LRP2: variants seen among roughly 807,000 people sequenced by gnomAD.
LRP2 encodes the protein low-density lipoprotein receptor-related protein 2.
A neutral mutation model predicts 531.0 loss-of-function variants in LRP2; 172 were observed. The observed-to-expected ratio is 0.32, with a 90% CI of 0.29 to 0.37. The LOEUF (loss-of-function observed/expected upper bound fraction) is 0.37, where lower values mean the gene tolerates loss of function less well. Ranked by LOEUF, LRP2 falls within the 10% of genes least tolerant of loss-of-function variation. The pLI is 1.00. For missense variants in LRP2, 5,167 were observed against 5,868.3 expected, an observed-to-expected ratio of 0.88 and a Z score of 3.90; for synonymous variants, 1,992 against 2,027.6, an observed-to-expected ratio of 0.98 and a Z score of 0.47.
At chr2:169,191,655 C>A (rs1473419644) in intron 48 of LRP2, among the ~76,000 whole-genome samples, 177 bp downstream of exon 48, 2 of 151,978 alleles carry the variant, frequency 1.3e-5, no homozygotes, top group Admixed American at 6.6e-5. Flanking sequence ...AAAATACTTT[C>A]TTTGATGTAA....
rs574415621 is a variant in LRP2, at chr2:169,137,482, A to T, written c.13530T>A (p.Phe4510Leu). 1.2e-6 allele frequency: 2 copies of T among 1,607,402 alleles called. No homozygotes were observed. Among genetic ancestry groups the T allele is most frequent in the South Asian group, 2.2e-5 (2 of 90,930 alleles). Reference protein sequence around the residue: ...IDRSMAMSEDFVMEMGKQPII... With the variant: ...IDRSMAMSEDLVMEMGKQPII... ...TGGGCTGCTTCCCCATTTCCATGAC[A>T]AAGTCTTCACTCTGATGGCAGAGAC... Residue 4510 changes from phenylalanine to leucine, a missense_variant, in exon 76 of 79, where the codon TTT becomes TTA. This residue lies in a region of LRP2 where 348 missense variants were observed against 369.3 expected (regional missense o/e 0.94). Transcript: ENST00000649046.
At chr2:169,216,107 G>T (rs1688778700) in intron 35 of LRP2, 146 bp downstream of exon 35, 2 of 824,504 alleles carry the variant, frequency 2.4e-6, no homozygotes, top group Non-Finnish European at 2.0e-6. Context: ...GCAAGGGAGA[G>T]AAGTTATTGG....
chr2:169,188,218 C>G lies in LRP2; in HGVS notation c.9080G>C (p.Cys3027Ser). The G allele has an allele frequency of 1.2e-6, 2 of 1,614,166 alleles. No homozygotes were observed. The highest frequency in any genetic ancestry group is 1.7e-6 in the Non-Finnish European group (2 of 1,180,026). The change falls in exon 49 of 79, where the codon TGC becomes TCC. Residue 3027 changes from cysteine to serine, a missense_variant. Transcript: ENST00000649046. ...DCGDYSDERG[C>S]LYQTCQQNQF... is the part of the protein sequence containing the mutation. ...ATTCTGTTGGCAAGTCTGGTATAAG[C>G]AGCCCCTCTCGTCGCTATAGTCACC...
chr2:169,269,140 G>C (rs1441068314), intron 16 of LRP2, among the ~76,000 whole-genome samples: 1 of 152,198 alleles, frequency 6.6e-6, no homozygotes, highest in Non-Finnish European at 1.5e-5. Flanking sequence ...CATGCTCATG[G>C]ATAGGAAGAA....
At chr2:169,292,749 G>A (rs1485415086) in intron 6 of LRP2, among the ~76,000 whole-genome samples, 2 of 149,578 alleles carry the variant, frequency 1.3e-5, no homozygotes, top group East Asian at 2.0e-4. Flanking sequence ...GATGGCATGA[G>A]CCTGGTGGGG....
rs113807035 is a variant in LRP2, at chr2:169,273,086, A to C, written c.1976-19T>G. ...TTGGTAGCTGGAAGGAAAAATGCAC[A>C]GGGTTAAATTGCAATTAGAAATGTG... On this transcript the variant is annotated intron_variant, in intron 14 of 78. Transcript: ENST00000649046. 1.2e-5 allele frequency: 20 copies of C among 1,613,356 alleles called. No homozygotes were observed. The highest frequency in any genetic ancestry group is 9.3e-5 in the African/African-American group (7 of 75,008).
Position 169,213,817 on chromosome 2 carries a change from A to T in LRP2, c.5880T>A (p.Leu1960=). 6.2e-7 allele frequency: 1 copy of T among 1,613,732 alleles called. No individual in the cohort carries two copies. Among genetic ancestry groups the T allele is most frequent in the Non-Finnish European group, 8.5e-7 (1 of 1,179,716 alleles). ...GTDRMILVHQ[L]SHPWGIAVHD... is the part of the protein sequence containing the mutation. ...GGACTGCAATTCCCCAGGGGTGGGA[A>T]AGCTGGTGTACCAGGATCATTCGAT... Residue 1960 remains leucine (L), a synonymous_variant, in exon 36 of 79, where the codon CTT becomes CTA. Transcript: ENST00000649046.
At chr2:169,164,518 C>T (rs1686712225) in intron 62 of LRP2, among the ~76,000 whole-genome samples, 1 of 152,204 alleles carries the variant, frequency 6.6e-6, no homozygotes, top group South Asian at 2.1e-4. Context: ...CTGGTTCTGA[C>T]CAATGGACTA....
At chr2:169,247,323 A>G (rs1690047004) in intron 20 of LRP2, 55 bp downstream of exon 20, 2 of 1,591,926 alleles carry the variant, frequency 1.3e-6, no homozygotes, top group Admixed American at 1.7e-5. Context: ...GAGCCACTGT[A>G]ACAAATAAAT....
intron 33 of LRP2, among the ~76,000 whole-genome samples, chr2:169,221,861 CTT>C (rs2105354958): frequency 1.3e-5 from 2 of 152,252 alleles, no homozygotes; most frequent in South Asian, 4.2e-4. Flanking sequence ...CTAAGGATCT[CTT>C]TGGTTCACAG....
In LRP2 at chr2:169,198,793, A is replaced by C. The variant is rs1435671760; in HGVS notation, c.8571T>G (p.Thr2857=). Residue 2857 remains threonine (T), a synonymous_variant, in exon 45 of 79, where the codon ACT becomes ACG. Transcript: ENST00000649046. The part of the protein sequence containing the change: ...DCGDNSDENP[T]YCTTHTCSSS... The stretch of plus-strand genomic sequence containing the variant: ...CAGTTTTATCTTACTCACTGCAATA[A>C]GTAGGGTTTTCATCACTGTTATCTC... The C allele has an allele frequency of 1.2e-6, 2 of 1,613,692 alleles. No homozygotes were observed. Among genetic ancestry groups the C allele is most frequent in the African/African-American group, 1.3e-5 (1 of 74,918 alleles).
At chr2:169,159,185 C>T (rs1686479872) in intron 63 of LRP2, among the ~76,000 whole-genome samples, 1 of 152,144 alleles carries the variant, frequency 6.6e-6, no homozygotes, top group African/African-American at 2.4e-5. Context: ...GCTTCATCTA[C>T]CTCTCAAATA....
intron 1 of LRP2, among the ~76,000 whole-genome samples, chr2:169,324,542 A>T (rs1369554441): frequency 6.6e-6 from 1 of 152,154 alleles, no homozygotes; most frequent in Non-Finnish European, 1.5e-5. Context: ...TGCAAAAAAA[A>T]TTTAAGCGTT....
At chr2:169,203,881 A>C (rs1191034818) in intron 42 of LRP2, 101 bp downstream of exon 42, 1 of 1,272,976 alleles carries the variant, frequency 7.9e-7, no homozygotes, top group East Asian at 2.3e-5. Context: ...GACATCAAGG[A>C]GAATTTGAAT....
Position 169,187,976 on chromosome 2 carries a change from C to A in LRP2, c.9322G>T (p.Gly3108Cys). The change falls in exon 49 of 79, where the codon GGC becomes TGC. Residue 3108 changes from glycine to cysteine, a missense_variant. By Grantham distance (159) the Gly-to-Cys change is radical. Coordinates refer to ENST00000649046, the MANE Select transcript of LRP2 (RefSeq NM_004525.3). ...DDCLDNSDEK[G>C]CGINECHDPS... The stretch of plus-strand genomic sequence containing the variant: ...AATCCTCTGTTGTACTCACCACAGC[C>A]TTTCTCATCGCTGTTGTCCAAACAG... The A allele has an allele frequency of 6.2e-7, 1 of 1,614,022 alleles. No homozygotes were observed. The highest frequency in any genetic ancestry group is 1.1e-5 in the South Asian group (1 of 91,070).
intron 1 of LRP2, among the ~76,000 whole-genome samples, chr2:169,333,539 G>A: frequency 6.7e-6 from 1 of 150,144 alleles, no homozygotes; most frequent in African/African-American, 2.5e-5. Flanking sequence ...GGAGGGAGGG[G>A]GCTACAAGAG....
At chr2:169,230,084 A>G (rs1689346965) in intron 31 of LRP2, among the ~76,000 whole-genome samples, 1 of 152,222 alleles carries the variant, frequency 6.6e-6, no homozygotes, top group Non-Finnish European at 1.5e-5. Flanking sequence ...CCACTAGTGG[A>G]ATTATTTGTG....
At chr2:169,358,139 T>TG (rs1395599011) in intron 1 of LRP2, among the ~76,000 whole-genome samples, 1 of 152,208 alleles carries the variant, frequency 6.6e-6, no homozygotes, top group Admixed American at 6.5e-5. Context: ...GTGCCTTATC[T>TG]GGCAAGTCAG....
intron 76 of LRP2, among the ~76,000 whole-genome samples, chr2:169,134,726 C>T (rs1685431813): frequency 6.6e-6 from 1 of 152,148 alleles, no homozygotes; most frequent in Non-Finnish European, 1.5e-5. Context: ...CTATATATGC[C>T]TTCCATATCC....
Sources: allele counts gnomAD v4.1 joint callset (sites outside exome capture counted in the v4.1 genomes callset), GRCh38; gene constraint gnomAD v4.1.1; regional missense constraint gnomAD v4.1.1; transcripts MANE v1.5; gene names NCBI Gene and HGNC (gene_info 2026-07-23, HGNC 2026-07-21).